TLE4: variants seen among roughly 807,000 people sequenced by gnomAD.
TLE4 encodes the protein transducin-like enhancer protein 4.
TLE4 carries 8 observed loss-of-function variants against 92.8 expected under a neutral mutation model. The observed-to-expected ratio is 0.09, with a 90% CI of 0.05 to 0.16. TLE4 has a LOEUF of 0.16. Ranked by LOEUF, TLE4 falls within the 10% of genes least tolerant of loss-of-function variation. The pLI is 1.00. For missense variants in TLE4, 675 were observed against 997.6 expected, an observed-to-expected ratio of 0.68 and a Z score of 4.36; for synonymous variants, 371 against 374.1, an observed-to-expected ratio of 0.99 and a Z score of 0.10.
At chr9:79,694,320 G>A (rs923222998) in intron 8 of TLE4, among the ~76,000 whole-genome samples, 7 of 152,154 alleles carry the variant, frequency 4.6e-5, no homozygotes, top group Non-Finnish European at 1.0e-4. Context: ...GAGGGTGAGA[G>A]ATTAGATCAT....
At chr9:79,589,292 C>T (rs2041965011) in intron 4 of TLE4, among the ~76,000 whole-genome samples, 1 of 152,162 alleles carries the variant, frequency 6.6e-6, no homozygotes. Context: ...TGAGAGAATC[C>T]TTTAAACGTA....
At chr9:79,721,614 C>G in intron 16 of TLE4, 127 bp from the exon 17 acceptor site, 1 of 1,396,594 alleles carries the variant, frequency 7.2e-7, no homozygotes, top group Non-Finnish European at 9.7e-7. Context: ...TAATTAGAAA[C>G]CATAATAAAC....
At chr9:79,666,217 GT>G (rs1162655919) in intron 8 of TLE4, among the ~76,000 whole-genome samples, 23 of 65,644 alleles carry the variant, frequency 3.5e-4, no homozygotes, top group African/African-American at 5.7e-4. Flanking sequence ...TTTTTTTTTT[GT>G]TTTTTTTTTT....
chr9:79,600,650 C>T (rs537519521), intron 4 of TLE4, among the ~76,000 whole-genome samples: 5 of 152,292 alleles, frequency 3.3e-5, no homozygotes, highest in African/African-American at 9.6e-5. Context: ...CTGCTCAACA[C>T]GTGATGCTGC....
chr9:79,708,034 T>G, intron 11 of TLE4, 84 bp from the exon 12 acceptor site: 2 of 1,409,618 alleles, frequency 1.4e-6, no homozygotes, highest in South Asian at 1.3e-5. Context: ...TTTTCCTCCT[T>G]TCCTTTTCTT....
intron 4 of TLE4, among the ~76,000 whole-genome samples, chr9:79,590,168 C>G (rs1368353556): frequency 2.0e-5 from 3 of 152,108 alleles, no homozygotes; most frequent in African/African-American, 7.2e-5. Context: ...GGTTAACCCC[C>G]CCAAAATATA....
intron 6 of TLE4, among the ~76,000 whole-genome samples, chr9:79,631,570 C>G (rs1009995045): frequency 6.8e-6 from 1 of 147,472 alleles, no homozygotes; most frequent in Non-Finnish European, 1.5e-5. Flanking sequence ...GCGGTCCCCC[C>G]CTTAGTATTT....
At chr9:79,608,221 C>T (rs1190473044) in intron 4 of TLE4, among the ~76,000 whole-genome samples, 3 of 151,976 alleles carry the variant, frequency 2.0e-5, no homozygotes, top group Non-Finnish European at 2.9e-5. Context: ...AATAGTACTA[C>T]TTGAAAATTT....
intron 8 of TLE4, among the ~76,000 whole-genome samples, chr9:79,685,465 G>A (rs2065652379): frequency 6.6e-6 from 1 of 152,108 alleles, no homozygotes; most frequent in African/African-American, 2.4e-5. Context: ...TTCAGCCAAG[G>A]AAAATTCAGC....
chr9:79,667,156 G>A (rs1037587139), intron 8 of TLE4, among the ~76,000 whole-genome samples: 1 of 152,200 alleles, frequency 6.6e-6, no homozygotes, highest in Non-Finnish European at 1.5e-5. Context: ...TCAGGAAGAG[G>A]ACTGAGACTG....
chr9:79,616,744 C>A (rs1310853582), intron 5 of TLE4, among the ~76,000 whole-genome samples: 2 of 152,096 alleles, frequency 1.3e-5, no homozygotes, highest in Admixed American at 6.6e-5. Flanking sequence ...AGTAACAACT[C>A]CTCCTCCATC....
chr9:79,677,535 C>T (rs76746424), intron 8 of TLE4, among the ~76,000 whole-genome samples: 3 of 151,524 alleles, frequency 2.0e-5, no homozygotes, highest in African/African-American at 7.3e-5. Flanking sequence ...GACAAGATGC[C>T]GTGGTAGAAA....
intron 18 of TLE4, 94 bp downstream of exon 18, chr9:79,722,695 T>G: frequency 6.9e-7 from 1 of 1,445,760 alleles, no homozygotes; most frequent in Non-Finnish European, 9.4e-7. Flanking sequence ...TTGAGTTCAT[T>G]ACCATGCCCC....
intron 4 of TLE4, among the ~76,000 whole-genome samples, chr9:79,595,927 G>C (rs1054914613): frequency 6.6e-6 from 1 of 150,404 alleles, no homozygotes; most frequent in East Asian, 2.0e-4. Flanking sequence ...GCTCACTGCA[G>C]GCTCTGCCTC....
intron 6 of TLE4, among the ~76,000 whole-genome samples, chr9:79,648,667 G>A (rs575080764): frequency 6.6e-6 from 1 of 152,302 alleles, no homozygotes; most frequent in African/African-American, 2.4e-5. Flanking sequence ...GGTGAGTATC[G>A]TGACAAGTAG....
At chr9:79,593,664 G>T (rs1490307426) in intron 4 of TLE4, among the ~76,000 whole-genome samples, 1 of 152,196 alleles carries the variant, frequency 6.6e-6, no homozygotes, top group East Asian at 1.9e-4. Context: ...ACTCACTCAT[G>T]TTCCTACAGT....
chr9:79,652,511 T>C lies in TLE4; in HGVS notation c.391-82T>C, dbSNP rs559433613. On this transcript the variant is annotated intron_variant, in intron 6 of 19. Transcript: ENST00000376552. ...CGGTGTTGGCTTTTTTACTGCCGAT[T>C]TATGCCTCCTTTCTGTTTCTCTTGG... The C allele has an allele frequency of 5.4e-5, 83 of 1,523,184 alleles. No homozygotes were observed. In the African/African-American group the frequency reaches 8.6e-4, roughly 16 times the overall value. The allele number at this position is 1,523,184 out of a possible 1,614,324, so 94.4% of individuals were successfully genotyped here. A position where few individuals can be genotyped will look rare whatever the true frequency, so the allele number is the denominator to read the frequency against.
At chr9:79,614,979 C>T (rs1021973268) in intron 5 of TLE4, among the ~76,000 whole-genome samples, 10 of 152,100 alleles carry the variant, frequency 6.6e-5, no homozygotes, top group Admixed American at 1.3e-4. Flanking sequence ...CTTTTGCTTA[C>T]TTTAGATTTA....
Position 79,572,669 on chromosome 9 carries a change from CGCCCGAGCCGCCCCTCA to C in TLE4, c.-120_-104del. 1.1e-6 allele frequency: 1 copy of C among 900,946 alleles called. No individual in the cohort carries two copies. The allele number at this position is 900,946 out of a possible 1,614,324, so 55.8% of individuals were successfully genotyped here. ...CGCGAGACCCGGCGGGGGCCGGGACCGCCCGAGCCGCCCCTCAGACCGAGCCGGCCGCCTCCGCTGCC... is the reference window on the plus strand; with the variant it reads ...CGCGAGACCCGGCGGGGGCCGGGACCGACCGAGCCGGCCGCCTCCGCTGCC... On this transcript the variant is annotated 5_prime_UTR_variant, in exon 1 of 20. It removes the in-frame stop codon of an upstream open reading frame in the 5' UTR. Coordinates refer to ENST00000376552, the MANE Select transcript of TLE4 (RefSeq NM_007005.6).
Sources: allele counts gnomAD v4.1 joint callset (sites outside exome capture counted in the v4.1 genomes callset), GRCh38; gene constraint gnomAD v4.1.1; transcripts MANE v1.5; gene names NCBI Gene and HGNC (gene_info 2026-07-23, HGNC 2026-07-21).